The following PSME4 variants were observed in gnomAD, a reference collection of about 807,000 sequenced individuals.
The protein encoded by PSME4 is proteasome activator complex subunit 4.
PSME4 carries 89 observed loss-of-function variants against 253.9 expected under a neutral mutation model. The ratio of observed to expected loss-of-function variants is 0.35; its 90% confidence interval spans 0.30 to 0.42. The LOEUF (loss-of-function observed/expected upper bound fraction) is 0.42, where lower values mean the gene tolerates loss of function less well. Among genes scored for constraint, PSME4 ranks in the 10% least tolerant of loss-of-function variants. The pLI is 1.00. For missense variants in PSME4, 2,014 were observed against 2,195.2 expected, an observed-to-expected ratio of 0.92 and a Z score of 1.65; for synonymous variants, 851 against 759.2, an observed-to-expected ratio of 1.12 and a Z score of -1.99.
Position 53,928,114 on chromosome 2 carries a change from C to A in PSME4, c.1503+3G>T, listed in dbSNP as rs770516529. 1 of 1,612,072 alleles carries A rather than the reference C, an allele frequency of 6.2e-7. No homozygotes were observed. Among genetic ancestry groups the A allele is most frequent in the Non-Finnish European group, 8.5e-7 (1 of 1,178,352 alleles). ...CGGAGTGTATAATCACCAATATACT[C>A]ACCATGCATTTACTAAAGTCATTTG... On this transcript the variant is annotated splice_donor_region_variant and intron_variant, in intron 11 of 46. Coordinates refer to ENST00000404125, the MANE Select transcript of PSME4 (RefSeq NM_014614.3).
intron 3 of PSME4, among the ~76,000 whole-genome samples, chr2:53,944,553 TATC>T (rs1411266400): frequency 6.6e-6 from 1 of 152,210 alleles, no homozygotes; most frequent in Admixed American, 6.5e-5. Flanking sequence ...TAATTGTAAA[TATC>T]ATATTAATAA....
chr2:53,935,987 G>C (rs904304152), intron 7 of PSME4, 100 bp downstream of exon 7: 1 of 1,453,912 alleles, frequency 6.9e-7, no homozygotes, highest in African/African-American at 1.4e-5. Flanking sequence ...TCAGCCTCCT[G>C]GGTTCAAGAG....
At chr2:53,961,118 G>C (rs950107453) in intron 1 of PSME4, among the ~76,000 whole-genome samples, 3 of 152,148 alleles carry the variant, frequency 2.0e-5, no homozygotes, top group African/African-American at 4.8e-5. Flanking sequence ...AAGAAAGAGA[G>C]AGAAGAAATG....
intron 2 of PSME4, 77 bp from the exon 3 acceptor site, chr2:53,948,614 G>A (rs147580491): frequency 7.5e-6 from 7 of 931,658 alleles, no homozygotes; most frequent in Non-Finnish European, 1.2e-5. Context: ...ACTACACAGG[G>A]ACAGTTAAAC....
chr2:53,887,329 G>A lies in PSME4; in HGVS notation c.4659C>T (p.Asn1553=), dbSNP rs754151827. The A allele has an allele frequency of 1.9e-6, 3 of 1,613,914 alleles. No homozygotes were observed. Among genetic ancestry groups the A allele is most frequent in the Non-Finnish European group, 2.5e-6 (3 of 1,179,942 alleles). ...CAATTCCATTTTCTTCCATAACATG[G>A]TTCTGAATTTCTTCATCCACATCCA... ...PLMDVDEEIQ[N]HVMEENGIGE... The change falls in exon 40 of 47, where the codon AAC becomes AAT. Residue 1553 remains asparagine (N), a synonymous_variant. Coordinates refer to ENST00000404125, the MANE Select transcript of PSME4 (RefSeq NM_014614.3).
chr2:53,937,152 C>T (rs571457691), intron 5 of PSME4, among the ~76,000 whole-genome samples: 69 of 152,206 alleles, frequency 4.5e-4, no homozygotes, highest in Admixed American at 5.9e-4. Context: ...GTTATTACCC[C>T]TTCTGACAAT....
chr2:53,876,530 A>G (rs1447251357), intron 41 of PSME4, among the ~76,000 whole-genome samples: 4 of 151,870 alleles, frequency 2.6e-5, no homozygotes, highest in Non-Finnish European at 5.9e-5. Context: ...AATCCATTAT[A>G]AAAAGAGAGA....
At chr2:53,941,882 T>C (rs1669471197) in intron 3 of PSME4, among the ~76,000 whole-genome samples, 1 of 152,124 alleles carries the variant, frequency 6.6e-6, no homozygotes, top group Admixed American at 6.5e-5. Context: ...GACCTTGCTA[T>C]ACCAATATAC....
chr2:53,932,031 T>C lies in PSME4; in HGVS notation c.1120A>G (p.Lys374Glu), dbSNP rs746888385. ...VVRRLHRERY[K>E]KPSWLTPVPD... The stretch of plus-strand genomic sequence containing the variant: ...ACAGGAGTTAACCAAGAGGGCTTCT[T>C]GTATCTTTCACGATGCAATCTTCTA... Residue 374 changes from lysine to glutamate, a missense_variant, in exon 10 of 47, where the codon AAG becomes GAG. Physicochemically the swap from Lys to Glu is moderately conservative, Grantham distance 56. This residue lies in a region of PSME4 where 615 missense variants were observed against 594.4 expected (regional missense o/e 1.03). Transcript: ENST00000404125. The C allele has an allele frequency of 6.2e-7, 1 of 1,613,746 alleles. No homozygotes were observed. Among genetic ancestry groups the C allele is most frequent in the African/African-American group, 1.3e-5 (1 of 75,052 alleles).
chr2:53,932,627 T>TAAAAATTCC (rs745825329), intron 9 of PSME4, 41 bp downstream of exon 9: 4 of 1,502,090 alleles, frequency 2.7e-6, no homozygotes, highest in Non-Finnish European at 3.7e-6. Flanking sequence ...ACCATATCTT[T>TAAAAATTCC]AAAAATTCCA....
chr2:53,939,298 A>G (rs1669271510), intron 4 of PSME4, among the ~76,000 whole-genome samples: 1 of 152,202 alleles, frequency 6.6e-6, no homozygotes, highest in African/African-American at 2.4e-5. Context: ...TATCATCTAA[A>G]CAGTCTTAGA....
At chr2:53,955,761 G>C (rs805453) in intron 1 of PSME4, among the ~76,000 whole-genome samples, 82,874 of 150,172 alleles carry the variant, frequency 0.55, 23,074 homozygotes, top group East Asian at 0.73. Flanking sequence ...GTGCCTACAA[G>C]ATATACAAAA....
At chr2:53,873,247 A>AAAAAAAAAAAAAAAAAT (rs1678976492) in intron 43 of PSME4, among the ~76,000 whole-genome samples, 1 of 149,686 alleles carries the variant, frequency 6.7e-6, no homozygotes. Context: ...TCAAAAAAAA[A>AAAAAAAAAAAAAAAAAT]GAAAAAAAAA....
intron 28 of PSME4, 118 bp downstream of exon 28, chr2:53,901,232 A>G: frequency 1.1e-6 from 1 of 939,972 alleles, no homozygotes; most frequent in African/African-American, 1.7e-5. Context: ...TTTTTTAAAA[A>G]AACACTGGAC....
intron 40 of PSME4, among the ~76,000 whole-genome samples, chr2:53,886,970 G>A (rs1395266099): frequency 6.6e-6 from 1 of 152,180 alleles, no homozygotes; most frequent in East Asian, 1.9e-4. Context: ...GAGATGGAAA[G>A]TAGACAGTGG....
intron 1 of PSME4, among the ~76,000 whole-genome samples, chr2:53,959,510 G>A (rs551420199): frequency 6.6e-6 from 1 of 152,188 alleles, no homozygotes; most frequent in East Asian, 1.9e-4. Context: ...TTCAACTCCT[G>A]CCCACCCAAA....
chr2:53,927,161 T>A (rs1390312801), intron 12 of PSME4, among the ~76,000 whole-genome samples: 1 of 152,166 alleles, frequency 6.6e-6, no homozygotes, highest in African/African-American at 2.4e-5. Context: ...AAAACTGAAA[T>A]ACACCTCCAG....
intron 27 of PSME4, 31 bp downstream of exon 27, chr2:53,903,994 T>C (rs773929525): frequency 1.3e-6 from 2 of 1,556,498 alleles, no homozygotes; most frequent in South Asian, 2.4e-5. Flanking sequence ...TTTGAAAATG[T>C]TTACAGTAAA....
intron 41 of PSME4, among the ~76,000 whole-genome samples, chr2:53,882,005 G>T (rs944494615): frequency 1.3e-5 from 2 of 151,674 alleles, no homozygotes; most frequent in East Asian, 3.9e-4. Flanking sequence ...ACCAGAATAG[G>T]CAAGTTTATA....
Sources: allele counts gnomAD v4.1 joint callset (sites outside exome capture counted in the v4.1 genomes callset), GRCh38; gene constraint gnomAD v4.1.1; regional missense constraint gnomAD v4.1.1; transcripts MANE v1.5; gene names NCBI Gene and HGNC (gene_info 2026-07-23, HGNC 2026-07-21).